The following MAP4K5 variants were observed in gnomAD, a reference collection of about 807,000 sequenced individuals.
MAP4K5 encodes the protein mitogen-activated protein kinase kinase kinase kinase 5.
In MAP4K5, 82 loss-of-function variants were observed where a neutral mutation model predicts 135.6. The ratio of observed to expected loss-of-function variants is 0.60; its 90% CI spans 0.51 to 0.73. The LOEUF is 0.73. MAP4K5 is among the 30% of genes least tolerant of loss of function. The probability of loss-of-function intolerance (pLI) is 0.00; values close to 1 mark genes in which losing one functional copy is unlikely to be tolerated. For missense variants in MAP4K5, 907 were observed against 1,010.9 expected (o/e 0.90, Z 1.39); for synonymous variants, 347 against 335.0 (o/e 1.04, Z -0.39).
At chr14:50,446,488 G>A (rs558478653) in intron 16 of MAP4K5, among the ~76,000 whole-genome samples, 6 of 152,314 alleles carry the variant, frequency 3.9e-5, no homozygotes, top group African/African-American at 1.4e-4. Flanking sequence ...ACTCAAAGTA[G>A]ATCCTCAAAC....
intron 21 of MAP4K5, among the ~76,000 whole-genome samples, chr14:50,442,362 GA>G (rs1275440999): frequency 6.6e-6 from 1 of 151,474 alleles, no homozygotes; most frequent in Admixed American, 6.6e-5. Context: ...GTACATTAAG[GA>G]AAAAAAGTCA....
intron 1 of MAP4K5, among the ~76,000 whole-genome samples, chr14:50,550,131 A>G (rs894344158): frequency 5.3e-5 from 8 of 152,186 alleles, no homozygotes; most frequent in Non-Finnish European, 8.8e-5. Flanking sequence ...GCCTTATGAT[A>G]TCAACATCAG....
At chr14:50,544,586 G>A (rs2038604433) in intron 1 of MAP4K5, among the ~76,000 whole-genome samples, 1 of 152,134 alleles carries the variant, frequency 6.6e-6, no homozygotes, top group Non-Finnish European at 1.5e-5. Flanking sequence ...GTCTGCTTCT[G>A]ATGTGACTAG....
intron 28 of MAP4K5, among the ~76,000 whole-genome samples, chr14:50,432,827 G>A (rs1181729229): frequency 6.6e-6 from 1 of 151,934 alleles, no homozygotes; most frequent in Non-Finnish European, 1.5e-5. Flanking sequence ...ATAAGAACAG[G>A]GAAATATTTC....
chr14:50,526,815 T>C (rs968665307), intron 2 of MAP4K5, among the ~76,000 whole-genome samples: 1 of 152,200 alleles, frequency 6.6e-6, no homozygotes, highest in Non-Finnish European at 1.5e-5. Context: ...TGGTGACTCT[T>C]GGCTGGAGGA....
At chr14:50,548,341 A>G (rs2038660532) in intron 1 of MAP4K5, among the ~76,000 whole-genome samples, 1 of 152,198 alleles carries the variant, frequency 6.6e-6, no homozygotes, top group South Asian at 2.1e-4. Context: ...CACATAGAGC[A>G]AGAGCCATTT....
intron 2 of MAP4K5, among the ~76,000 whole-genome samples, chr14:50,507,491 A>G (rs2037835503): frequency 6.6e-6 from 1 of 152,244 alleles, no homozygotes; most frequent in Non-Finnish European, 1.5e-5. Context: ...ATTTAGTGCT[A>G]TAAATTTCCT....
chr14:50,456,692 A>G, intron 13 of MAP4K5, 98 bp from the exon 14 acceptor site: 2 of 723,516 alleles, frequency 2.8e-6, no homozygotes, highest in Non-Finnish European at 4.5e-6. Flanking sequence ...ATGAATATCT[A>G]CTAGTAAATT....
chr14:50,489,289 A>G (rs893898712), intron 3 of MAP4K5, among the ~76,000 whole-genome samples: 5 of 152,204 alleles, frequency 3.3e-5, no homozygotes, highest in African/African-American at 1.2e-4. Flanking sequence ...TTGAGGTTGC[A>G]GTGAGCTATA....
In MAP4K5 at chr14:50,443,643, A is replaced by G; in HGVS notation, c.1479+86T>C. On this transcript the variant is annotated intron_variant, in intron 20 of 32. Coordinates refer to ENST00000682126, the MANE Select transcript of MAP4K5 (RefSeq NM_006575.6). ...GTATTTTATGATATCTTAACTTTCAAAGGCTCAAGTATATTGATAGCCAAT... is the reference window on the plus strand; with the variant it reads ...GTATTTTATGATATCTTAACTTTCAGAGGCTCAAGTATATTGATAGCCAAT... The G allele has an allele frequency of 5.4e-6, 6 of 1,102,096 alleles. 1 individual carries two copies. Among genetic ancestry groups the G allele is most frequent in the Non-Finnish European group, 7.6e-6 (6 of 794,012 alleles). 68.3% of individuals were successfully genotyped at this position (1,102,096 alleles called of 1,614,324 possible).
Position 50,476,315 on chromosome 14 carries a change from T to TAA in MAP4K5, c.379-10_379-9insTT. Reference sequence around the variant, plus strand: ...TGCAAATAGGCAAGACCCTAAAAGTTTAAAAAAAAAAAAAAAGAATGTATC... The same window carrying TAA: ...TGCAAATAGGCAAGACCCTAAAAGTTAATAAAAAAAAAAAAAAAGAATGTATC... On this transcript the variant is annotated splice_polypyrimidine_tract_variant and intron_variant, in intron 6 of 32. Transcript: ENST00000682126. 1 of 1,364,746 alleles carries TAA rather than the reference T, an allele frequency of 7.3e-7. No individual in the cohort carries two copies. The highest frequency in any genetic ancestry group is 9.6e-7 in the Non-Finnish European group (1 of 1,037,876). The allele number at this position is 1,364,746 out of a possible 1,614,324, so 84.5% of individuals were successfully genotyped here. A position where few individuals can be genotyped will look rare whatever the true frequency, so the allele number is the denominator to read the frequency against.
intron 3 of MAP4K5, among the ~76,000 whole-genome samples, chr14:50,500,102 C>A (rs1950731): frequency 0.96 from 146,202 of 152,306 alleles, 70,158 homozygotes; most frequent in East Asian, 1. Context: ...CTGTAATATT[C>A]TTTTATAGGA....
At chr14:50,485,957 C>G (rs553372621) in intron 4 of MAP4K5, 147 bp downstream of exon 4, 22 of 558,122 alleles carry the variant, frequency 3.9e-5, no homozygotes, top group Admixed American at 2.7e-4. Flanking sequence ...TAGGGGAAAA[C>G]CGTAGAAATA....
chr14:50,462,687 T>C lies in MAP4K5; in HGVS notation c.914A>G (p.Glu305Gly). The change falls in exon 13 of 33, where the codon GAA becomes GGA. Residue 305 changes from glutamate to glycine, a missense_variant. By Grantham distance (98) the Glu-to-Gly change is moderately conservative. Around this residue, in one of 3 missense-constraint regions of MAP4K5, gnomAD observed 690 missense variants for 777.4 expected, o/e 0.89. Transcript: ENST00000682126. ...NNPDNHAHYT[E>G]ADDDDFEPHA... ...TACCTCAAAGTCATCGTCATCTGCT[T>C]CAGTGTAATGTGCGTGGTTATCTGG... is the stretch of plus-strand genomic sequence containing the variant. 6.2e-7 allele frequency: 1 copy of C among 1,604,426 alleles called. No homozygotes were observed. The highest frequency in any genetic ancestry group is 8.5e-7 in the Non-Finnish European group (1 of 1,176,554).
intron 1 of MAP4K5, among the ~76,000 whole-genome samples, chr14:50,557,035 T>G (rs2038773321): frequency 6.6e-6 from 1 of 152,180 alleles, no homozygotes; most frequent in Non-Finnish European, 1.5e-5. Flanking sequence ...ATATGGCAAT[T>G]CTATGTTTAA....
chr14:50,535,068 A>C (rs142909886), upstream of MAP4K5, among the ~76,000 whole-genome samples: 1 of 152,344 alleles, frequency 6.6e-6, no homozygotes, highest in East Asian at 1.9e-4. Flanking sequence ...CTTCATTCCA[A>C]CCTAATTGTC....
At chr14:50,555,710 T>G (rs1418085168) in intron 1 of MAP4K5, among the ~76,000 whole-genome samples, 1 of 152,234 alleles carries the variant, frequency 6.6e-6, no homozygotes, top group Admixed American at 6.5e-5. Flanking sequence ...CAAAGCTATA[T>G]CCTAACTAAT....
In MAP4K5 at chr14:50,428,701, C is replaced by T. The variant is rs1360371977; in HGVS notation, c.2287G>A (p.Ala763Thr). The part of the protein sequence containing the change: ...QGKLKSSKKL[A>T]SELSFDFRIE... ...CGAAAATCAAAACTTAACTCAGAGG[C>T]CAGTTTCTTACTTGATTTTAATTTT... Residue 763 changes from alanine (A) to threonine (T), a missense_variant, in exon 30 of 33, where the codon GCC (alanine) becomes ACC (threonine). Ala to Thr is a moderately conservative substitution (Grantham distance 58). Around this residue, in one of 3 missense-constraint regions of MAP4K5, gnomAD observed 690 missense variants for 777.4 expected, o/e 0.89. Transcript: ENST00000682126. The T allele has an allele frequency of 6.6e-7, 1 of 1,521,064 alleles. No individual in the cohort carries two copies. Among genetic ancestry groups the T allele is most frequent in the Non-Finnish European group, 8.8e-7 (1 of 1,138,580 alleles). 94.2% of individuals were successfully genotyped at this position (1,521,064 alleles called of 1,614,324 possible).
chr14:50,505,797 T>C (rs568167913), intron 2 of MAP4K5, among the ~76,000 whole-genome samples: 2 of 152,240 alleles, frequency 1.3e-5, no homozygotes, highest in Non-Finnish European at 2.9e-5. Context: ...TAAATGATTA[T>C]AACATAGTCC....
Sources: allele counts gnomAD v4.1 joint callset (sites outside exome capture counted in the v4.1 genomes callset), GRCh38; gene constraint gnomAD v4.1.1; regional missense constraint gnomAD v4.1.1; transcripts MANE v1.5; gene names NCBI Gene and HGNC (gene_info 2026-07-23, HGNC 2026-07-21).